GALNT10: variants seen among roughly 807,000 people sequenced by gnomAD.
The protein encoded by GALNT10 is GalNAc transferase 10.
A neutral mutation model predicts 75.0 loss-of-function variants in GALNT10; 41 were observed. The observed-to-expected ratio is 0.55, with a 90% CI of 0.43 to 0.71. GALNT10 has a LOEUF of 0.71. Among genes scored for constraint, GALNT10 ranks in the 30% least tolerant of loss-of-function variants. GALNT10 has a pLI of 0.00. For missense variants in GALNT10, 727 were observed against 818.5 expected (o/e 0.89, Z 1.36); for synonymous variants, 302 against 313.0 (o/e 0.96, Z 0.37).
chr5:154,376,476 TCC>T lies in GALNT10; in HGVS notation c.754+16_754+17del. On this transcript the variant is annotated intron_variant, in intron 5 of 11. Coordinates refer to ENST00000297107, the MANE Select transcript of GALNT10 (RefSeq NM_198321.4). The surrounding 1 kb of genome is among the most constrained non-coding windows in gnomAD (Gnocchi z 4.1). ...CCCCCTTGCTTGGTAAGGGAGCCCC[TCC>T]CACTTGGAGGGAGGCAAACTGCAAT... 2 of 1,560,524 alleles carry T rather than the reference TCC, an allele frequency of 1.3e-6. No individual in the cohort carries two copies. The highest frequency in any genetic ancestry group is 2.3e-5 in the East Asian group (1 of 43,518).
At chr5:154,317,487 G>A (rs1038444207) in intron 3 of GALNT10, among the ~76,000 whole-genome samples, 7 of 152,154 alleles carry the variant, frequency 4.6e-5, no homozygotes, top group African/African-American at 1.7e-4. Context: ...AGCAAGCTGA[G>A]TTATCTCCCT....
chr5:154,246,291 C>A (rs1358798571), intron 1 of GALNT10, among the ~76,000 whole-genome samples: 2 of 152,164 alleles, frequency 1.3e-5, no homozygotes, highest in Non-Finnish European at 2.9e-5. Context: ...GTCTTTATAA[C>A]AGCATGATTT....
chr5:154,389,355 T>A (rs1301599202), intron 7 of GALNT10: 1 of 151,910 alleles, frequency 6.6e-6, no homozygotes, highest in African/African-American at 2.4e-5. Flanking sequence ...GTTAAAATAC[T>A]ACATATAATA....
intron 4 of GALNT10, among the ~76,000 whole-genome samples, chr5:154,333,749 G>A (rs1005372278): frequency 1.3e-5 from 2 of 152,100 alleles, no homozygotes; most frequent in African/African-American, 4.8e-5. Context: ...TGAAAACCGA[G>A]GCCCCCTGAT....
At chr5:154,258,377 A>G (rs1292404802) in intron 1 of GALNT10, among the ~76,000 whole-genome samples, 3 of 152,212 alleles carry the variant, frequency 2.0e-5, no homozygotes, top group African/African-American at 4.8e-5. Context: ...GGGAAACCAG[A>G]TAGTCAAACT....
At chr5:154,338,755 T>A (rs1754984267) in intron 4 of GALNT10, among the ~76,000 whole-genome samples, 1 of 152,230 alleles carries the variant, frequency 6.6e-6, no homozygotes, top group Non-Finnish European at 1.5e-5. Flanking sequence ...ACCCATCTCT[T>A]CTTCTTTGAG....
chr5:154,231,997 T>C lies in GALNT10; in HGVS notation c.159+40972T>C, dbSNP rs554424614. Among the ~76,000 whole-genome samples, 4 of 152,344 alleles carry C rather than the reference T, an allele frequency of 2.6e-5. No individual in the cohort carries two copies. The South Asian group carries it at 8.3e-4, about 32-fold the overall frequency. ...ACTGTATATCAGCTCAAAGAAATGCTGCAGGCATGGATGGCCCTCTGCCCT... is the reference window on the plus strand; with the variant it reads ...ACTGTATATCAGCTCAAAGAAATGCCGCAGGCATGGATGGCCCTCTGCCCT... On this transcript the variant is annotated intron_variant, in intron 1 of 11. Transcript: ENST00000297107.
Position 154,376,589 on chromosome 5 carries a change from C to T in GALNT10, c.754+127C>T. 1.6e-6 allele frequency: 1 copy of T among 611,354 alleles called. No homozygotes were observed. 37.9% of individuals were successfully genotyped at this position (611,354 alleles called of 1,614,324 possible). On this transcript the variant is annotated intron_variant, in intron 5 of 11. Transcript: ENST00000297107. This position sits in a 1 kb window ranked among gnomAD's most constrained non-coding sequence, Gnocchi z 4.1. Reference sequence around the variant, plus strand: ...GTTCGAGATGCCCCCAGCACAATGCCAGGTGCCATGAGGGATTCAGAAGTT... The same window carrying T: ...GTTCGAGATGCCCCCAGCACAATGCTAGGTGCCATGAGGGATTCAGAAGTT...
chr5:154,241,038 T>C (rs541837356), intron 1 of GALNT10, among the ~76,000 whole-genome samples: 3 of 152,212 alleles, frequency 2.0e-5, no homozygotes, highest in African/African-American at 7.2e-5. Flanking sequence ...AGGTGTTGCT[T>C]TGAGGGGGCC....
At chr5:154,218,219 T>C in intron 1 of GALNT10, 1 of 714,028 alleles carries the variant, frequency 1.4e-6, no homozygotes, top group Non-Finnish European at 1.7e-6. Context: ...CCTCTCTCAT[T>C]TTAAAAGCCC....
intron 4 of GALNT10, among the ~76,000 whole-genome samples, chr5:154,351,719 C>A (rs1342420812): frequency 6.6e-6 from 1 of 152,170 alleles, no homozygotes; most frequent in Non-Finnish European, 1.5e-5. Context: ...GGGTACCTTA[C>A]CTGATCCCCA....
At chr5:154,206,865 G>A (rs1156645527) in intron 1 of GALNT10, among the ~76,000 whole-genome samples, 5 of 152,220 alleles carry the variant, frequency 3.3e-5, no homozygotes, top group Non-Finnish European at 7.3e-5. Flanking sequence ...ATCAGGGCTA[G>A]GCCTCAGAAA....
intron 7 of GALNT10, 174 bp from the exon 8 acceptor site, chr5:154,403,930 T>A: frequency 1.5e-6 from 1 of 678,934 alleles, no homozygotes; most frequent in South Asian, 1.7e-5. Flanking sequence ...TGTCAGCTGT[T>A]TTTACCGCTG....
At chr5:154,203,090 T>C (rs1775052382) in intron 1 of GALNT10, among the ~76,000 whole-genome samples, 1 of 152,208 alleles carries the variant, frequency 6.6e-6, no homozygotes, top group Admixed American at 6.5e-5. Context: ...TTTCTTTTGT[T>C]CTCTGTAGCA....
chr5:154,375,319 G>C (rs558856384), intron 4 of GALNT10, among the ~76,000 whole-genome samples: 2 of 152,312 alleles, frequency 1.3e-5, no homozygotes, highest in East Asian at 1.9e-4. Flanking sequence ...TATGATGTAT[G>C]CTGTAGGTTT....
At chr5:154,257,165 A>G (rs372946200) in intron 1 of GALNT10, among the ~76,000 whole-genome samples, 29 of 152,282 alleles carry the variant, frequency 1.9e-4, no homozygotes, top group Admixed American at 7.2e-4. Flanking sequence ...CAATTGCCCA[A>G]AGCTACTTAT....
Position 154,376,140 on chromosome 5 carries a change from T to C in GALNT10, c.569-137T>C, listed in dbSNP as rs1006894067. On this transcript the variant is annotated intron_variant, in intron 4 of 11. Transcript: ENST00000297107. This position sits in a 1 kb window ranked among gnomAD's most constrained non-coding sequence, Gnocchi z 4.1. ...ATGAGAACACTGCCCTTCTTCTCCC[T>C]GTCTGAAAGGTCTAGTGAGGCAGTG... 13 of 675,696 alleles carry C rather than the reference T, an allele frequency of 1.9e-5. No individual in the cohort carries two copies. In the African/African-American group the frequency reaches 2.0e-4, roughly 11 times the overall value. The allele number at this position is 675,696 out of a possible 1,614,324, so 41.9% of individuals were successfully genotyped here. A position where few individuals can be genotyped will look rare whatever the true frequency, so the allele number is the denominator to read the frequency against.
chr5:154,269,436 A>G (rs1753828332), intron 1 of GALNT10, among the ~76,000 whole-genome samples: 1 of 152,244 alleles, frequency 6.6e-6, no homozygotes, highest in South Asian at 2.1e-4. Context: ...AATCTATAAT[A>G]TACTAGAACC....
At chr5:154,401,952 T>A (rs1370293487) in intron 7 of GALNT10, among the ~76,000 whole-genome samples, 1 of 152,070 alleles carries the variant, frequency 6.6e-6, no homozygotes, top group African/African-American at 2.4e-5. Context: ...GCGAGATTCA[T>A]AATAATGTCC....
Sources: allele counts gnomAD v4.1 joint callset (sites outside exome capture counted in the v4.1 genomes callset), GRCh38; gene constraint gnomAD v4.1.1; non-coding constraint Gnocchi (gnomAD v3.1); transcripts MANE v1.5; gene names NCBI Gene and HGNC (gene_info 2026-07-23, HGNC 2026-07-21).